TMC1: variants seen among roughly 807,000 people sequenced by gnomAD.
TMC1 encodes the protein transmembrane channel-like protein 1.
TMC1 carries 84 observed loss-of-function variants against 105.8 expected under a neutral mutation model. The observed-to-expected ratio is 0.79, with a 90% CI of 0.67 to 0.95. TMC1 has a LOEUF of 0.95. Ranked by LOEUF, TMC1 falls within the 40% of genes least tolerant of loss-of-function variation. The pLI, the probability that TMC1 is intolerant of heterozygous loss-of-function variation, is 0.00. For synonymous variants in TMC1, 315 were observed against 311.5 expected (o/e 1.01, Z -0.12); for missense variants, 817 against 914.1 (o/e 0.89, Z 1.37).
At chr9:72,641,239 A>T (rs1422857350) in intron 4 of TMC1, among the ~76,000 whole-genome samples, 1 of 152,134 alleles carries the variant, frequency 6.6e-6, no homozygotes, top group East Asian at 1.9e-4. Flanking sequence ...GATTACAGGC[A>T]TGAGCCACCA....
intron 17 of TMC1, 82 bp downstream of exon 17, chr9:72,792,434 A>C: frequency 6.5e-7 from 1 of 1,548,496 alleles, no homozygotes; most frequent in Non-Finnish European, 8.9e-7. Flanking sequence ...TTGGCTTTTA[A>C]AAAATTGCTT....
chr9:72,572,010 A>G (rs1039902796), intron 1 of TMC1, among the ~76,000 whole-genome samples: 4 of 151,762 alleles, frequency 2.6e-5, no homozygotes, highest in Non-Finnish European at 4.4e-5. Flanking sequence ...CTAATTTTGT[A>G]TTTTTAGTAG....
chr9:72,766,562 G>A (rs1354342981), intron 12 of TMC1, among the ~76,000 whole-genome samples: 1 of 152,174 alleles, frequency 6.6e-6, no homozygotes, highest in Non-Finnish European at 1.5e-5. Context: ...GCCAGAGCAA[G>A]AAAGTGGAAG....
chr9:72,603,386 TACACACAC>T (rs10584160), intron 2 of TMC1, among the ~76,000 whole-genome samples: 2,169 of 145,304 alleles, frequency 0.015, 47 homozygotes, highest in African/African-American at 0.05. Flanking sequence ...CTCTCCCCAC[TACACACAC>T]ACACACACAC....
At chr9:72,671,798 G>A (rs1826130045) in intron 5 of TMC1, among the ~76,000 whole-genome samples, 1 of 152,110 alleles carries the variant, frequency 6.6e-6, no homozygotes, top group Non-Finnish European at 1.5e-5. Flanking sequence ...TCAAAGCATA[G>A]TATAGTTGTT....
intron 1 of TMC1, among the ~76,000 whole-genome samples, chr9:72,527,634 C>T (rs1210334876): frequency 2.0e-5 from 3 of 152,206 alleles, no homozygotes; most frequent in South Asian, 2.1e-4. Flanking sequence ...CAGACGCTGC[C>T]TGCTCCCTGC....
chr9:72,775,149 T>C (rs558258658), intron 13 of TMC1, among the ~76,000 whole-genome samples: 1 of 152,294 alleles, frequency 6.6e-6, no homozygotes, highest in East Asian at 1.9e-4. Flanking sequence ...GAACTGAAAG[T>C]CTTGCATTTG....
At chr9:72,731,175 T>G (rs1827206999) in intron 8 of TMC1, among the ~76,000 whole-genome samples, 1 of 152,244 alleles carries the variant, frequency 6.6e-6, no homozygotes, top group South Asian at 2.1e-4. Flanking sequence ...TTCATTCAAT[T>G]AGCATATGTT....
intron 1 of TMC1, among the ~76,000 whole-genome samples, chr9:72,554,458 A>G (rs1416342898): frequency 6.6e-6 from 1 of 151,928 alleles, no homozygotes; most frequent in African/African-American, 2.4e-5. Flanking sequence ...AAAAGACAGA[A>G]CGCTGGAAAT....
chr9:72,633,717 T>A (rs1825487076), intron 4 of TMC1, among the ~76,000 whole-genome samples: 1 of 152,226 alleles, frequency 6.6e-6, no homozygotes, highest in African/African-American at 2.4e-5. Context: ...ACCAAAGGAA[T>A]GAATTCTATT....
At chr9:72,777,577 A>G (rs2118143684) in intron 13 of TMC1, among the ~76,000 whole-genome samples, 1 of 152,312 alleles carries the variant, frequency 6.6e-6, no homozygotes, top group East Asian at 1.9e-4. Flanking sequence ...CCTTATTTCA[A>G]AAATGCTTGG....
intron 12 of TMC1, among the ~76,000 whole-genome samples, chr9:72,761,687 G>T (rs1030134013): frequency 6.6e-6 from 1 of 152,130 alleles, no homozygotes; most frequent in African/African-American, 2.4e-5. Flanking sequence ...TGTCCTTAAA[G>T]GAGACAGGTT....
intron 5 of TMC1, among the ~76,000 whole-genome samples, chr9:72,686,926 T>C (rs1293096932): frequency 6.6e-6 from 1 of 152,212 alleles, no homozygotes; most frequent in Non-Finnish European, 1.5e-5. Flanking sequence ...ATTTATAAAC[T>C]ATTCCTTCTG....
chr9:72,814,042 T>A (rs373101675), intron 18 of TMC1, among the ~76,000 whole-genome samples: 2 of 152,186 alleles, frequency 1.3e-5, no homozygotes, highest in Admixed American at 6.5e-5. Flanking sequence ...ATGTCTCATC[T>A]CTAATGACCC....
intron 2 of TMC1, among the ~76,000 whole-genome samples, chr9:72,606,982 C>CGTGCATATAT (rs1418890651): frequency 2.1e-5 from 3 of 142,000 alleles, no homozygotes; most frequent in African/African-American, 5.3e-5. Context: ...TGTGTGTGTG[C>CGTGCATATAT]ATATATATAT....
At chr9:72,659,463 C>T (rs1825935671) in intron 5 of TMC1, among the ~76,000 whole-genome samples, 1 of 152,094 alleles carries the variant, frequency 6.6e-6, no homozygotes, top group Non-Finnish European at 1.5e-5. Flanking sequence ...GGTGAAACCC[C>T]ATCTCTACTA....
At position 72,619,903 on chromosome 9, in the gene TMC1, C is replaced by T. The variant is rs551582563; in HGVS notation, c.-196+3426C>T. Among the ~76,000 whole-genome samples, 221 of 150,502 alleles carry T rather than the reference C, an allele frequency of 1.5e-3. 8 individuals are homozygous for T. In the South Asian group the frequency reaches 0.044, roughly 30 times the overall value. ...AGGCTGGAGTGCAGTGGTGTGATCT[C>T]GGCTCACTGCAACCTCCACCTCCTG... On this transcript the variant is annotated intron_variant, in intron 3 of 23. Transcript: ENST00000297784.
chr9:72,716,981 C>T lies in TMC1; in HGVS notation c.362+16338C>T, dbSNP rs115419874. Among the ~76,000 whole-genome samples the T allele has an allele frequency of 2.4e-3, 361 of 152,314 alleles. 2 individuals carry two copies. The highest frequency in any genetic ancestry group is 8.0e-3 in the African/African-American group (333 of 41,574). On this transcript the variant is annotated intron_variant, in intron 8 of 23. Transcript: ENST00000297784. Reference sequence around the variant, plus strand: ...AGTATCTGGGCCGGTGTATGTGGTACAGTCCATAGTGGCTTCCCTTGGCTA... The same window carrying T: ...AGTATCTGGGCCGGTGTATGTGGTATAGTCCATAGTGGCTTCCCTTGGCTA...
chr9:72,542,589 C>T (rs1310239336), intron 1 of TMC1, among the ~76,000 whole-genome samples: 1 of 151,962 alleles, frequency 6.6e-6, no homozygotes, highest in African/African-American at 2.4e-5. Flanking sequence ...CACTGCGCTC[C>T]AGCCTAGGGG....
Sources: allele counts gnomAD v4.1 joint callset (sites outside exome capture counted in the v4.1 genomes callset), GRCh38; gene constraint gnomAD v4.1.1; transcripts MANE v1.5; gene names NCBI Gene and HGNC (gene_info 2026-07-23, HGNC 2026-07-21).